The following RGS8 variants were observed in gnomAD, a reference collection of about 807,000 sequenced individuals.
RGS8 encodes regulator of G protein signaling 8.
RGS8 carries 8 observed loss-of-function variants against 21.7 expected under a neutral mutation model. The observed-to-expected ratio is 0.37, with a 90% CI of 0.22 to 0.66. RGS8 has a LOEUF of 0.66. RGS8 is among the 30% of genes least tolerant of loss of function. RGS8 has a pLI of 0.59. For synonymous variants in RGS8, 80 were observed against 83.6 expected, an observed-to-expected ratio of 0.96 and a Z score of 0.24; for missense variants, 157 against 217.9, an observed-to-expected ratio of 0.72 and a Z score of 1.76.
chr1:182,709,624 A>G, the RGS8 span, among the ~76,000 whole-genome samples: 1 of 152,184 alleles, frequency 6.6e-6, no homozygotes. Context: ...GGGTGATACT[A>G]TATCTCATCG....
the RGS8 span, among the ~76,000 whole-genome samples, chr1:182,716,126 G>T: frequency 0.36 from 52,934 of 145,964 alleles, 9,844 homozygotes; most frequent in African/African-American, 0.48. Context: ...CTGTTTTTTG[G>T]TTTTTTTTTT....
exon 5 of RGS8, chr1:182,666,033 C>T (rs777841828): frequency 9.9e-6 from 16 of 1,613,048 alleles, no homozygotes; most frequent in Non-Finnish European, 6.8e-6. Flanking sequence ...TCGATAATCT[C>T]CTAGAAAAAA....
chr1:182,687,901 TC>T (rs1437784023), upstream of RGS8, among the ~76,000 whole-genome samples: 2 of 152,172 alleles, frequency 1.3e-5, no homozygotes, highest in Admixed American at 6.5e-5. Flanking sequence ...TCTTTACCTA[TC>T]CCTGACCAAG....
At chr1:182,658,122 G>A (rs1415473319) in intron 5 of RGS8, among the ~76,000 whole-genome samples, 1 of 152,232 alleles carries the variant, frequency 6.6e-6, no homozygotes. Flanking sequence ...GGAACAGTGA[G>A]CAGAATATTG....
Position 182,669,044 on chromosome 1 carries a change from T to C in RGS8, c.26+580A>G, listed in dbSNP as rs140204898. 1.2e-4 allele frequency among the ~76,000 whole-genome samples: 18 copies of C among 152,322 alleles called. 1 individual carries two copies. In the East Asian group the frequency reaches 3.3e-3, roughly 28 times the overall value. ...TCCACGCAAGCCATTTAACAAGGTT[T>C]AGCAGGGACCAGTGTAAAGGATGCT... On this transcript the variant is annotated intron_variant, in intron 3 of 6. Transcript: ENST00000483095.
At chr1:182,749,974 A>G in the RGS8 span, among the ~76,000 whole-genome samples, 4 of 152,156 alleles carry the variant, frequency 2.6e-5, no homozygotes, top group African/African-American at 9.7e-5. Context: ...CTGTTTCTTC[A>G]TCTAAAAATG....
the RGS8 span, among the ~76,000 whole-genome samples, chr1:182,752,073 A>G: frequency 6.6e-6 from 1 of 152,094 alleles, no homozygotes; most frequent in Non-Finnish European, 1.5e-5. Context: ...ATACTTTCCC[A>G]ACTCCTTTCT....
the RGS8 span, among the ~76,000 whole-genome samples, chr1:182,716,541 T>A: frequency 6.6e-6 from 1 of 152,038 alleles, no homozygotes. Flanking sequence ...CCCCCAGACA[T>A]GGAAGGCCAA....
chr1:182,710,575 A>G, the RGS8 span, among the ~76,000 whole-genome samples: 5 of 152,094 alleles, frequency 3.3e-5, no homozygotes, highest in Admixed American at 2.0e-4. Flanking sequence ...TCTCCCACCA[A>G]TGGGGAGAAG....
chr1:182,748,250 A>T, the RGS8 span, among the ~76,000 whole-genome samples: 3 of 152,166 alleles, frequency 2.0e-5, no homozygotes, highest in Admixed American at 1.3e-4. Context: ...TTTGACCAAC[A>T]TCTTCCCATT....
exon 1 of RGS8, chr1:182,671,928 G>A: frequency 6.9e-7 from 1 of 1,442,198 alleles, no homozygotes; most frequent in Non-Finnish European, 9.1e-7. Flanking sequence ...AAATACTGAA[G>A]CAGCCTACAC....
At chr1:182,652,734 A>C (rs1663083258) in intron 5 of RGS8, among the ~76,000 whole-genome samples, 1 of 152,238 alleles carries the variant, frequency 6.6e-6, no homozygotes, top group South Asian at 2.1e-4. Flanking sequence ...GTGATAAGTT[A>C]CATGATAGAG....
At chr1:182,672,896 C>T, upstream of RGS8, 8 of 1,594,030 alleles carry the variant, frequency 5.0e-6, no homozygotes, top group Non-Finnish European at 6.9e-6. Flanking sequence ...TAGTGGTTCT[C>T]CAAGCGTGGT....
the RGS8 span, among the ~76,000 whole-genome samples, chr1:182,691,039 C>T: frequency 6.6e-6 from 1 of 152,218 alleles, no homozygotes; most frequent in African/African-American, 2.4e-5. Flanking sequence ...AGCCAGTCTG[C>T]TGCCAGACAT....
At chr1:182,652,640 C>T (rs985674346) in intron 5 of RGS8, among the ~76,000 whole-genome samples, 3 of 152,182 alleles carry the variant, frequency 2.0e-5, no homozygotes, top group Admixed American at 2.0e-4. Context: ...GTGCTAAAAG[C>T]AGATATAATC....
chr1:182,665,974 T>C (rs1441442751), exon 5 of RGS8: 20 of 1,613,082 alleles, frequency 1.2e-5, no homozygotes, highest in African/African-American at 2.7e-5. Flanking sequence ...CTTACACTTA[T>C]GAGAGAGAAG....
chr1:182,681,234 G>T (rs1239511344), intron 1 of RGS8, among the ~76,000 whole-genome samples: 1 of 152,126 alleles, frequency 6.6e-6, no homozygotes, highest in African/African-American at 2.4e-5. Context: ...CAAAGCCATG[G>T]AGCTGAGAGG....
At chr1:182,709,379 C>A in the RGS8 span, among the ~76,000 whole-genome samples, 1 of 152,206 alleles carries the variant, frequency 6.6e-6, no homozygotes, top group African/African-American at 2.4e-5. Context: ...CACACACACA[C>A]ACATCCTTTC....
chr1:182,711,634 G>C, the RGS8 span, among the ~76,000 whole-genome samples: 1 of 152,172 alleles, frequency 6.6e-6, no homozygotes, highest in Non-Finnish European at 1.5e-5. Context: ...CCCCTGACTT[G>C]AACTGTGGAA....
Sources: gnomAD v4.1 joint callset for allele counts (sites outside exome capture counted in the v4.1 genomes callset) on GRCh38, gnomAD v4.1.1 for gene constraint, MANE v1.5 for transcripts, NCBI Gene and HGNC (gene_info 2026-07-23, HGNC 2026-07-21) for gene names.